The following TIMD4 variants were observed in gnomAD, a reference collection of about 807,000 sequenced individuals.
TIMD4 encodes T cell immunoglobulin and mucin domain containing 4.
In TIMD4, 31 loss-of-function variants were observed where a neutral mutation model predicts 41.2. The ratio of observed to expected loss-of-function variants is 0.75; its 90% CI spans 0.57 to 1.01. TIMD4 has a LOEUF of 1.01. TIMD4 is among the 50% of genes least tolerant of loss of function. The pLI is 0.00. For missense variants in TIMD4, 479 were observed against 472.5 expected (o/e 1.01, Z -0.13); for synonymous variants, 204 against 177.1 (o/e 1.15, Z -1.21).
chr5:156,937,134 T>C (rs1333793407), intron 5 of TIMD4, among the ~76,000 whole-genome samples: 1 of 152,090 alleles, frequency 6.6e-6, no homozygotes, highest in South Asian at 2.1e-4. Flanking sequence ...CTAAGTAAAC[T>C]TGGGCAGACT....
intron 5 of TIMD4, among the ~76,000 whole-genome samples, chr5:156,931,288 G>A (rs999997558): frequency 6.6e-6 from 1 of 152,156 alleles, no homozygotes; most frequent in Non-Finnish European, 1.5e-5. Flanking sequence ...TAAGTTTGAG[G>A]TCATTTGTTA....
chr5:156,961,894 A>T (rs181777760), intron 1 of TIMD4, among the ~76,000 whole-genome samples: 4 of 151,974 alleles, frequency 2.6e-5, no homozygotes, highest in Non-Finnish European at 2.9e-5. Flanking sequence ...TCAGCCATAA[A>T]AAAAGAATGA....
rs1240698357 is a variant in TIMD4 at position 156,920,385 on chromosome 5, T to C, written c.1052+79A>G. The C allele has an allele frequency of 2.0e-6, 3 of 1,480,658 alleles. No homozygotes were observed. The East Asian group carries it at 6.8e-5, about 34-fold the overall frequency. The allele number at this position is 1,480,658 out of a possible 1,614,324, so 91.7% of individuals were successfully genotyped here. Reference sequence around the variant, plus strand: ...GTAATCGTAACACAAGCTCAAGTCATTAAACCACTGAGTAGTAGCTAATCA... The same window carrying C: ...GTAATCGTAACACAAGCTCAAGTCACTAAACCACTGAGTAGTAGCTAATCA... On this transcript the variant is annotated intron_variant, in intron 8 of 8. Transcript: ENST00000274532.
At chr5:156,939,025 C>A (rs887283837) in intron 5 of TIMD4, among the ~76,000 whole-genome samples, 1 of 152,192 alleles carries the variant, frequency 6.6e-6, no homozygotes, top group Non-Finnish European at 1.5e-5. Context: ...ACAAGCTCCC[C>A]CAGTGTACTG....
intron 5 of TIMD4, among the ~76,000 whole-genome samples, chr5:156,928,277 A>G (rs1759384185): frequency 6.7e-6 from 1 of 149,914 alleles, no homozygotes; most frequent in South Asian, 2.1e-4. Context: ...CAGCCTGGCA[A>G]CAGAGAGAGA....
intron 5 of TIMD4, among the ~76,000 whole-genome samples, chr5:156,941,177 C>T (rs568952602): frequency 1.3e-3 from 203 of 152,128 alleles, no homozygotes; most frequent in Non-Finnish European, 2.5e-3. Context: ...ACAAACACTG[C>T]GGAAGGCCGC....
Position 156,940,484 on chromosome 5 carries a change from C to T in TIMD4, c.844+7932G>A, listed in dbSNP as rs562082660. Among the ~76,000 whole-genome samples the T allele has an allele frequency of 4.6e-5, 7 of 152,176 alleles. No homozygotes were observed. In the East Asian group the frequency reaches 1.2e-3, roughly 25 times the overall value. ...CTGGGAAGTGAGGAGCGCCTCTTCC[C>T]GGCCGCCGCCCCGTCTAGGAAGTGA... On this transcript the variant is annotated intron_variant, in intron 5 of 8. Coordinates refer to ENST00000274532, the MANE Select transcript of TIMD4 (RefSeq NM_138379.3).
Position 156,949,636 on chromosome 5 carries a change from T to G in TIMD4, c.760+15A>C, listed in dbSNP as rs1561552277. The stretch of plus-strand genomic sequence containing the variant: ...AAAGGGTGAGGGAGGACAGAGAGAG[T>G]GAGTGTCTGCACACCTTTGGATGTC... On this transcript the variant is annotated intron_variant, in intron 4 of 8. Transcript: ENST00000274532. 6.3e-7 allele frequency: 1 copy of G among 1,597,264 alleles called. No homozygotes were observed. Among genetic ancestry groups the G allele is most frequent in the Non-Finnish European group, 8.6e-7 (1 of 1,166,200 alleles).
In TIMD4 at chr5:156,955,884, CA is replaced by C. The variant is rs1354782902; in HGVS notation, c.59-1129del. On this transcript the variant is annotated intron_variant, in intron 1 of 8. Coordinates refer to ENST00000274532, the MANE Select transcript of TIMD4 (RefSeq NM_138379.3). ...AATAATTGTATATATTTATAGGATA[CA>C]ATGTGATGTTCTGATATACATATAC... Among the ~76,000 whole-genome samples, 3 of 152,104 alleles carry C rather than the reference CA, an allele frequency of 2.0e-5. No individual in the cohort carries two copies. In the East Asian group the frequency reaches 5.8e-4, roughly 29 times the overall value.
chr5:156,960,476 G>A (rs953358793), intron 1 of TIMD4, among the ~76,000 whole-genome samples: 3 of 147,112 alleles, frequency 2.0e-5, no homozygotes, highest in African/African-American at 7.6e-5. Flanking sequence ...GTGCAATCTC[G>A]GCTCACTGCA....
chr5:156,944,680 A>AT (rs931408290), intron 5 of TIMD4, among the ~76,000 whole-genome samples: 10 of 151,218 alleles, frequency 6.6e-5, no homozygotes, highest in Non-Finnish European at 1.0e-4. Context: ...AATTTTTTGT[A>AT]TTTTTTAGTA....
At chr5:156,951,006 G>T (rs57996067) in intron 3 of TIMD4, among the ~76,000 whole-genome samples, 18 of 96,940 alleles carry the variant, frequency 1.9e-4, no homozygotes, top group Non-Finnish European at 3.5e-4. Flanking sequence ...ACACCTCCTC[G>T]TACACACACA....
At chr5:156,951,960 C>T (rs1206495242) in intron 2 of TIMD4, among the ~76,000 whole-genome samples, 170 bp from the exon 3 acceptor site, 2 of 152,130 alleles carry the variant, frequency 1.3e-5, no homozygotes, top group Non-Finnish European at 2.9e-5. Context: ...TGACATGTTC[C>T]TTCCAATCTA....
intron 6 of TIMD4, among the ~76,000 whole-genome samples, chr5:156,923,311 G>C (rs754342596): frequency 1.8e-4 from 28 of 151,798 alleles, no homozygotes; most frequent in Non-Finnish European, 3.7e-4. Flanking sequence ...TCCAAGCCCG[G>C]CTAATTTTTT....
At chr5:156,940,436 GC>G (rs1230883872) in intron 5 of TIMD4, among the ~76,000 whole-genome samples, 1 of 151,806 alleles carries the variant, frequency 6.6e-6, no homozygotes, top group Non-Finnish European at 1.5e-5. Flanking sequence ...GATGTGAGGA[GC>G]CCCTCTGCCC....
intron 5 of TIMD4, among the ~76,000 whole-genome samples, chr5:156,944,511 TTTTTTTTTTTTGAGACGGAGTCTCGTTA>T (rs1759703077): frequency 3.5e-5 from 5 of 141,114 alleles, no homozygotes; most frequent in African/African-American, 1.3e-4. Context: ...TTTTTTTTTT[TTTTTTTTTTTTGAGACGGAGTCTCGTTA>T]TTTCCCCCAG....
At chr5:156,936,304 A>G (rs948887642) in intron 5 of TIMD4, among the ~76,000 whole-genome samples, 9 of 152,338 alleles carry the variant, frequency 5.9e-5, no homozygotes, top group African/African-American at 2.2e-4. Flanking sequence ...CATTTGACCT[A>G]AAACACTCAG....
chr5:156,942,162 T>A (rs1286244352), intron 5 of TIMD4, among the ~76,000 whole-genome samples: 2 of 152,194 alleles, frequency 1.3e-5, no homozygotes, highest in Non-Finnish European at 2.9e-5. Context: ...GCATTCAACT[T>A]GAATTTGTGC....
chr5:156,940,962 C>A (rs1455852384), intron 5 of TIMD4, among the ~76,000 whole-genome samples: 1 of 152,340 alleles, frequency 6.6e-6, no homozygotes, highest in East Asian at 1.9e-4. Context: ...CCATTTTGTT[C>A]TTTACTAAGA....
Sources: gnomAD v4.1 joint callset for allele counts (sites outside exome capture counted in the v4.1 genomes callset) on GRCh38, gnomAD v4.1.1 for gene constraint, MANE v1.5 for transcripts, NCBI Gene and HGNC (gene_info 2026-07-23, HGNC 2026-07-21) for gene names.